The following FARP2 variants were observed in gnomAD, a reference collection of about 807,000 sequenced individuals.
FARP2 encodes FERM, ARH/RhoGEF and pleckstrin domain protein 2.
FARP2 carries 111 observed loss-of-function variants against 130.5 expected under a neutral mutation model. The observed-to-expected ratio is 0.85, with a 90% CI of 0.73 to 1.00. The LOEUF (loss-of-function observed/expected upper bound fraction) is 1.00. FARP2 is among the 50% of genes least tolerant of loss of function. The probability of loss-of-function intolerance (pLI) is 0.00; values close to 1 mark genes in which losing one functional copy is unlikely to be tolerated. For missense variants in FARP2, 1,385 were observed against 1,346.3 expected (o/e 1.03, Z -0.45); for synonymous variants, 504 against 516.9 (o/e 0.98, Z 0.34).
intron 17 of FARP2, chr2:241,465,757 A>T (rs1361517775): frequency 1.3e-6 from 2 of 1,550,204 alleles, no homozygotes; most frequent in African/African-American, 2.7e-5. Flanking sequence ...GACGACGACG[A>T]CTCAAGCTCC....
chr2:241,457,146 G>A (rs967342335), intron 14 of FARP2, among the ~76,000 whole-genome samples: 9 of 152,158 alleles, frequency 5.9e-5, no homozygotes, highest in South Asian at 2.1e-4. Context: ...AGGTTCCTTC[G>A]TACAAAAACG....
chr2:241,485,894 C>A (rs1401892267), intron 21 of FARP2, among the ~76,000 whole-genome samples: 2 of 152,194 alleles, frequency 1.3e-5, no homozygotes, highest in Non-Finnish European at 2.9e-5. Context: ...GGGGTCCTCC[C>A]TCCCTGGGGT....
intron 22 of FARP2, 23 bp downstream of exon 22, chr2:241,490,067 T>A: frequency 6.4e-7 from 1 of 1,573,008 alleles, no homozygotes; most frequent in Non-Finnish European, 8.8e-7. Context: ...CATGTCTCCA[T>A]CCTGAGCAGC....
intron 13 of FARP2, among the ~76,000 whole-genome samples, chr2:241,450,684 G>C (rs1020569725): frequency 6.6e-6 from 1 of 151,534 alleles, no homozygotes; most frequent in African/African-American, 2.4e-5. Flanking sequence ...AAAAGGCTGG[G>C]CATGGTGGCT....
intron 22 of FARP2, 46 bp downstream of exon 22, chr2:241,490,090 G>A (rs948057205): frequency 1.5e-6 from 2 of 1,379,300 alleles, no homozygotes; most frequent in East Asian, 2.3e-5. Flanking sequence ...TGGATGGAGG[G>A]GTGGGGACTT....
chr2:241,363,428 CCGT>C (rs1353147726), intron 1 of FARP2, among the ~76,000 whole-genome samples: 1 of 152,200 alleles, frequency 6.6e-6, no homozygotes, highest in Non-Finnish European at 1.5e-5. Flanking sequence ...GTAATTAAAG[CCGT>C]AGGTTTCTGG....
chr2:241,449,017 T>C (rs1236046689), intron 13 of FARP2, among the ~76,000 whole-genome samples: 5 of 152,230 alleles, frequency 3.3e-5, no homozygotes, highest in Non-Finnish European at 5.9e-5. Flanking sequence ...TATCTCCCGC[T>C]TGTATTCTTT....
rs141700912 is a variant in FARP2 at position 241,463,488 on chromosome 2, C to T, written c.1811+20C>T. 1.3e-5 allele frequency: 21 copies of T among 1,609,400 alleles called. No homozygotes were observed. The Admixed American group carries it at 1.8e-4, about 14-fold the overall frequency. On this transcript the variant is annotated intron_variant, in intron 16 of 26. Coordinates refer to ENST00000264042, the MANE Select transcript of FARP2 (RefSeq NM_014808.4). ...ACTCTGGTAACACCCCTTCAGCCCC[C>T]ACACGGGAGACTCCCACACCAACTC...
intron 1 of FARP2, among the ~76,000 whole-genome samples, chr2:241,364,810 G>A (rs2061267736): frequency 6.6e-6 from 1 of 152,082 alleles, no homozygotes; most frequent in Non-Finnish European, 1.5e-5. Context: ...TTCCTTCACA[G>A]TCATTTTTAA....
intron 17 of FARP2, among the ~76,000 whole-genome samples, chr2:241,466,948 A>T (rs1472090127): frequency 8.9e-6 from 1 of 112,956 alleles, no homozygotes; most frequent in Non-Finnish European, 2.1e-5. Context: ...GTGTTTTGTT[A>T]AAAAAAAAAA....
At chr2:241,474,259 C>G (rs1267370697) in intron 18 of FARP2, among the ~76,000 whole-genome samples, 1 of 129,078 alleles carries the variant, frequency 7.7e-6, no homozygotes, top group Non-Finnish European at 1.6e-5. Flanking sequence ...TGCAGTGAGC[C>G]GAGATCGTGC....
In FARP2 at chr2:241,376,338, C is replaced by T. The variant is rs1231382270; in HGVS notation, c.183+3048C>T. 3.9e-5 allele frequency among the ~76,000 whole-genome samples: 6 copies of T among 152,202 alleles called. No individual in the cohort carries two copies. The South Asian group carries it at 1.0e-3, about 26-fold the overall frequency. The stretch of plus-strand genomic sequence containing the variant: ...GCAAGCTACCAGGCTAGCTCTGATT[C>T]GAGGGGTGGAGAAGTAGAGGCACCT... On this transcript the variant is annotated intron_variant, in intron 2 of 26. Transcript: ENST00000264042.
chr2:241,416,137 T>C (rs78373173), intron 7 of FARP2, among the ~76,000 whole-genome samples: 3,284 of 152,100 alleles, frequency 0.022, 109 homozygotes, highest in African/African-American at 0.069. Context: ...GGCTCATATG[T>C]TCATGTGTGT....
intron 7 of FARP2, among the ~76,000 whole-genome samples, chr2:241,416,065 TGTGTGGTC>T (rs2062659399): frequency 6.6e-6 from 1 of 151,710 alleles, no homozygotes; most frequent in Non-Finnish European, 1.5e-5. Flanking sequence ...CATGTGTGGC[TGTGTGGTC>T]GTGTGTGCAT....
chr2:241,435,733 G>A (rs1355909740), intron 11 of FARP2, among the ~76,000 whole-genome samples: 3 of 149,962 alleles, frequency 2.0e-5, no homozygotes, highest in East Asian at 2.0e-4. Context: ...GGGTGGTCTC[G>A]ACCTCCTGAC....
intron 22 of FARP2, among the ~76,000 whole-genome samples, 159 bp from the exon 23 acceptor site, chr2:241,490,902 G>A (rs963918095): frequency 6.6e-6 from 1 of 152,180 alleles, no homozygotes; most frequent in Admixed American, 6.5e-5. Flanking sequence ...TCTCCTCCCT[G>A]CTATTCTCGC....
At position 241,483,504 on chromosome 2, in the gene FARP2, A is replaced by C; in HGVS notation, c.2302A>C (p.Lys768Gln). ...REGCLHKLTK[K>Q]GLQQRMFFLF... is the part of the protein sequence containing the mutation. Reference sequence around the variant, plus strand: ...GGGCTGCCTTCACAAGCTCACCAAGAAGGGCCTGCAGCAGAGGATGTTTTT... The same window carrying C: ...GGGCTGCCTTCACAAGCTCACCAAGCAGGGCCTGCAGCAGAGGATGTTTTT... Residue 768 changes from lysine to glutamine, a missense_variant, in exon 20 of 27, where the codon AAG (lysine) becomes CAG (glutamine). Lys to Gln is a moderately conservative substitution (Grantham distance 53). Transcript: ENST00000264042. 1 of 1,614,220 alleles carries C rather than the reference A, an allele frequency of 6.2e-7. No homozygotes were observed. Among genetic ancestry groups the C allele is most frequent in the Non-Finnish European group, 8.5e-7 (1 of 1,180,016 alleles).
In FARP2 at chr2:241,459,929, C is replaced by T. The variant is rs965304848; in HGVS notation, c.1588-2594C>T. On this transcript the variant is annotated intron_variant, in intron 14 of 26. Coordinates refer to ENST00000264042, the MANE Select transcript of FARP2 (RefSeq NM_014808.4). This position sits in a 1 kb window ranked among gnomAD's most constrained non-coding sequence, Gnocchi z 5.3. Reference sequence around the variant, plus strand: ...CACCTGTGATGAGAAGTCTCATCAGCGACTGCTGTGGCTCTCTGATGGCGT... The same window carrying T: ...CACCTGTGATGAGAAGTCTCATCAGTGACTGCTGTGGCTCTCTGATGGCGT... Among the ~76,000 whole-genome samples the T allele has an allele frequency of 1.3e-5, 2 of 152,120 alleles. No individual in the cohort carries two copies. Among genetic ancestry groups the T allele is most frequent in the South Asian group, 2.1e-4 (1 of 4,826 alleles).
intron 1 of FARP2, among the ~76,000 whole-genome samples, chr2:241,358,647 C>T (rs1429061364): frequency 6.6e-6 from 1 of 152,164 alleles, no homozygotes; most frequent in Non-Finnish European, 1.5e-5. Flanking sequence ...TTACTCAGTG[C>T]GTCATGAGCT....
Sources: allele counts gnomAD v4.1 joint callset (sites outside exome capture counted in the v4.1 genomes callset), GRCh38; gene constraint gnomAD v4.1.1; non-coding constraint Gnocchi (gnomAD v3.1); transcripts MANE v1.5; gene names NCBI Gene and HGNC (gene_info 2026-07-23, HGNC 2026-07-21).